The following NT5C3A variants were observed in gnomAD, a reference collection of about 807,000 sequenced individuals.
NT5C3A encodes 5'-nucleotidase, cytosolic IIIA, also known as cytosolic 5'-nucleotidase 3A.
NT5C3A carries 23 observed loss-of-function variants against 40.0 expected under a neutral mutation model. The ratio of observed to expected loss-of-function variants is 0.58; its 90% CI spans 0.41 to 0.81. NT5C3A has a LOEUF of 0.81. Among genes scored for constraint, NT5C3A ranks in the 40% least tolerant of loss-of-function variants. NT5C3A has a pLI of 0.00. For missense variants in NT5C3A, 328 were observed against 403.0 expected, an observed-to-expected ratio of 0.81 and a Z score of 1.59; for synonymous variants, 130 against 141.4, an observed-to-expected ratio of 0.92 and a Z score of 0.57.
In NT5C3A at chr7:33,026,805, A is replaced by C; in HGVS notation, c.237+12T>G. The C allele has an allele frequency of 2.5e-6, 4 of 1,569,226 alleles. No homozygotes were observed. The highest frequency in any genetic ancestry group is 3.5e-6 in the Non-Finnish European group (4 of 1,141,500). On this transcript the variant is annotated intron_variant, in intron 2 of 8. Transcript: ENST00000610140. ...CAACACACACAGCCAAGGCTTCTTGATAATTATTCACCTGAAGTTTGGCAG... is the reference window on the plus strand; with the variant it reads ...CAACACACACAGCCAAGGCTTCTTGCTAATTATTCACCTGAAGTTTGGCAG...
chr7:33,052,094 T>C (rs1402294730), intron 1 of NT5C3A, among the ~76,000 whole-genome samples: 2 of 152,188 alleles, frequency 1.3e-5, no homozygotes, highest in African/African-American at 4.8e-5. Flanking sequence ...TTTTTTAATT[T>C]CCAATGACAT....
intron 1 of NT5C3A, among the ~76,000 whole-genome samples, chr7:33,030,576 G>A (rs1786193006): frequency 6.6e-6 from 1 of 152,110 alleles, no homozygotes; most frequent in Non-Finnish European, 1.5e-5. Flanking sequence ...AAAATGTTGG[G>A]GAGGGAGCAA....
At chr7:33,016,263 A>G (rs1157088748) in intron 7 of NT5C3A, among the ~76,000 whole-genome samples, 1 of 151,660 alleles carries the variant, frequency 6.6e-6, no homozygotes, top group Non-Finnish European at 1.5e-5. Context: ...AGTCCCAGAT[A>G]CTCGGGAGGC....
chr7:33,039,121 A>G (rs1786769111), intron 1 of NT5C3A, among the ~76,000 whole-genome samples: 1 of 152,202 alleles, frequency 6.6e-6, no homozygotes, highest in Non-Finnish European at 1.5e-5. Flanking sequence ...AACTTCACTT[A>G]ACACAAACTT....
intron 1 of NT5C3A, among the ~76,000 whole-genome samples, chr7:33,040,235 A>C (rs1216190540): frequency 6.6e-6 from 1 of 152,162 alleles, no homozygotes; most frequent in African/African-American, 2.4e-5. Context: ...AGGAAAAAAA[A>C]ACCTATAAAA....
chr7:33,060,646 G>A (rs1353502562), intron 1 of NT5C3A, among the ~76,000 whole-genome samples: 1 of 152,238 alleles, frequency 6.6e-6, no homozygotes, highest in African/African-American at 2.4e-5. Flanking sequence ...GCCCAACTTG[G>A]TTAGGTAGTT....
chr7:33,059,157 T>G (rs1273278418), intron 1 of NT5C3A, among the ~76,000 whole-genome samples: 5 of 152,222 alleles, frequency 3.3e-5, no homozygotes, highest in African/African-American at 1.2e-4. Flanking sequence ...CACTGGCCAT[T>G]GAGAGGCTAG....
chr7:33,056,650 A>T (rs1471438534), intron 1 of NT5C3A, among the ~76,000 whole-genome samples: 1 of 151,966 alleles, frequency 6.6e-6, no homozygotes, highest in Non-Finnish European at 1.5e-5. Context: ...CCAGCCTGGC[A>T]GCAGGGTGAG....
chr7:33,029,343 T>A, intron 1 of NT5C3A: 1 of 264,868 alleles, frequency 3.8e-6, no homozygotes, highest in South Asian at 4.0e-5. Context: ...AGGGATATGA[T>A]GATGAGTAGT....
chr7:33,060,477 T>C (rs886766680), intron 1 of NT5C3A, among the ~76,000 whole-genome samples: 2 of 151,520 alleles, frequency 1.3e-5, no homozygotes, highest in African/African-American at 4.8e-5. Context: ...GACTGGCTTC[T>C]TCTGTACATT....
chr7:33,038,379 A>C (rs1786721655), intron 1 of NT5C3A, among the ~76,000 whole-genome samples: 1 of 152,104 alleles, frequency 6.6e-6, no homozygotes, highest in African/African-American at 2.4e-5. Flanking sequence ...TGGAACATAC[A>C]TTTTGAGTTT....
intron 6 of NT5C3A, 37 bp downstream of exon 6, chr7:33,019,598 G>A: frequency 8.4e-7 from 1 of 1,195,936 alleles, no homozygotes; most frequent in Non-Finnish European, 1.2e-6. Flanking sequence ...ATTCAAGTCT[G>A]TGAACAATAA....
At chr7:33,026,969 C>G (rs1469943818) in intron 1 of NT5C3A, 54 bp from the exon 2 acceptor site, 12 of 1,190,660 alleles carry the variant, frequency 1.0e-5, no homozygotes, top group Non-Finnish European at 1.5e-5. Flanking sequence ...TCCCCAGGTT[C>G]CTTTGATACC....
rs1025160302 is a variant in NT5C3A at position 33,029,541 on chromosome 7, G to T, written c.139-2626C>A. 4 of 643,872 alleles carry T rather than the reference G, an allele frequency of 6.2e-6. No individual in the cohort carries two copies. In the Admixed American group the frequency reaches 7.2e-5, roughly 12 times the overall value. The allele number at this position is 643,872 out of a possible 1,614,324, so 39.9% of individuals were successfully genotyped here. A position where few individuals can be genotyped will look rare whatever the true frequency, so the allele number is the denominator to read the frequency against. On this transcript the variant is annotated intron_variant, in intron 1 of 8. Transcript: ENST00000610140. ...TTTGATTCAATAACCAATCCATTAT[G>T]GTGAAAGCAACACAGGATATATATC...
chr7:33,036,397 T>G (rs1786605405), intron 1 of NT5C3A: 1 of 240,696 alleles, frequency 4.2e-6, no homozygotes, highest in Admixed American at 4.9e-5. Context: ...CTTTCGGGAG[T>G]GCAATGAGGC....
intron 2 of NT5C3A, among the ~76,000 whole-genome samples, chr7:33,025,928 G>A (rs1785902014): frequency 6.6e-6 from 1 of 152,236 alleles, no homozygotes; most frequent in African/African-American, 2.4e-5. Flanking sequence ...GCTCACGCCT[G>A]TAATCCCAGC....
At chr7:33,033,898 T>A (rs1380475136) in intron 1 of NT5C3A, among the ~76,000 whole-genome samples, 3 of 99,164 alleles carry the variant, frequency 3.0e-5, no homozygotes, top group South Asian at 3.1e-4. Flanking sequence ...ATATATAATT[T>A]TTTTTTTTTT....
rs529043806 is a variant in NT5C3A, at chr7:33,030,815, T to C, written c.139-3900A>G. On this transcript the variant is annotated intron_variant, in intron 1 of 8. Coordinates refer to ENST00000610140, the MANE Select transcript of NT5C3A (RefSeq NM_001002010.5). Reference sequence around the variant, plus strand: ...CTGGGATAAGATAAAAATGTGAAGCTCTGGCCAGGCGTGGTGGCTCAGGCC... The same window carrying C: ...CTGGGATAAGATAAAAATGTGAAGCCCTGGCCAGGCGTGGTGGCTCAGGCC... Among the ~76,000 whole-genome samples, 6 of 152,254 alleles carry C rather than the reference T, an allele frequency of 3.9e-5. No homozygotes were observed. The South Asian group carries it at 1.2e-3, about 32-fold the overall frequency.
intron 6 of NT5C3A, 106 bp downstream of exon 6, chr7:33,019,529 A>G (rs543477440): frequency 9.4e-6 from 7 of 745,476 alleles, no homozygotes; most frequent in Non-Finnish European, 1.7e-5. Flanking sequence ...GGATATGGTT[A>G]TATAAGGAAT....
Sources: allele counts gnomAD v4.1 joint callset (sites outside exome capture counted in the v4.1 genomes callset), GRCh38; gene constraint gnomAD v4.1.1; transcripts MANE v1.5; gene names NCBI Gene and HGNC (gene_info 2026-07-23, HGNC 2026-07-21).